Variants in RSF1 observed in about 807,000 individuals in gnomAD.
RSF1 encodes remodeling and spacing factor 1.
A neutral mutation model predicts 145.2 loss-of-function variants in RSF1; 13 were observed. That is an observed-to-expected ratio of 0.09 (90% confidence interval 0.06 to 0.14). RSF1 has a LOEUF of 0.14. Ranked by LOEUF, RSF1 falls within the 10% of genes least tolerant of loss-of-function variation. The pLI, the probability that RSF1 is intolerant of heterozygous loss-of-function variation, is 1.00. For missense variants in RSF1, 1,517 were observed against 1,718.2 expected, an observed-to-expected ratio of 0.88 and a Z score of 2.07; for synonymous variants, 577 against 592.6, an observed-to-expected ratio of 0.97 and a Z score of 0.38.
At chr11:77,799,591 C>G (rs1409010752) in intron 1 of RSF1, among the ~76,000 whole-genome samples, 2 of 151,802 alleles carry the variant, frequency 1.3e-5, no homozygotes, top group Non-Finnish European at 2.9e-5. Context: ...TTCCATTAAC[C>G]CAGAAGGAAA....
chr11:77,699,078 T>G (rs1312154939), intron 6 of RSF1, among the ~76,000 whole-genome samples: 2 of 152,238 alleles, frequency 1.3e-5, no homozygotes, highest in Non-Finnish European at 2.9e-5. Context: ...ACAAATATTT[T>G]TACACACATC....
chr11:77,700,449 G>A (rs1253756183), intron 6 of RSF1, among the ~76,000 whole-genome samples: 1 of 151,288 alleles, frequency 6.6e-6, no homozygotes, highest in Non-Finnish European at 1.5e-5. Flanking sequence ...GTGGCAATGG[G>A]GAATTCTCAT....
intron 1 of RSF1, among the ~76,000 whole-genome samples, chr11:77,797,769 A>C (rs1347796996): frequency 6.6e-6 from 1 of 152,244 alleles, no homozygotes; most frequent in African/African-American, 2.4e-5. Flanking sequence ...TCCATCTGAC[A>C]AACGGCTAAT....
chr11:77,755,024 G>C (rs1948101696), intron 2 of RSF1, among the ~76,000 whole-genome samples: 1 of 152,160 alleles, frequency 6.6e-6, no homozygotes, highest in Non-Finnish European at 1.5e-5. Context: ...AGTGGCAAAA[G>C]ATATGGTAAA....
intron 1 of RSF1, among the ~76,000 whole-genome samples, chr11:77,797,506 T>G (rs913282128): frequency 2.6e-5 from 4 of 151,916 alleles, no homozygotes; most frequent in Non-Finnish European, 1.5e-5. Context: ...TACACAAAAA[T>G]CAACTCAAGA....
chr11:77,685,581 C>G (rs1457012116), intron 9 of RSF1, among the ~76,000 whole-genome samples: 1 of 152,158 alleles, frequency 6.6e-6, no homozygotes, highest in Non-Finnish European at 1.5e-5. Flanking sequence ...TAGGTGTGAC[C>G]ACTGCTCCTG....
chr11:77,717,181 C>CA (rs55686322), intron 5 of RSF1, among the ~76,000 whole-genome samples: 2,655 of 129,118 alleles, frequency 0.021, 38 homozygotes, highest in Middle Eastern at 0.062. Flanking sequence ...AACCAAAAAC[C>CA]AAAAAAAAAA....
chr11:77,870,036 A>T, the RSF1 span: 1 of 373,566 alleles, frequency 2.7e-6, no homozygotes, highest in Non-Finnish European at 4.9e-6. Flanking sequence ...TATTTCTCAG[A>T]ATCCCTCAAG....
At chr11:77,841,923 C>T in the RSF1 span, among the ~76,000 whole-genome samples, 2 of 152,152 alleles carry the variant, frequency 1.3e-5, no homozygotes, top group East Asian at 1.9e-4. Context: ...TTGGCCATGG[C>T]GGCAAGGCTG....
chr11:77,809,801 C>A (rs979097234), intron 1 of RSF1, among the ~76,000 whole-genome samples: 1 of 152,178 alleles, frequency 6.6e-6, no homozygotes, highest in Admixed American at 6.5e-5. Context: ...ACTCCAAATA[C>A]CAAAAGCAAG....
At chr11:77,773,647 GTGTTGTTACTCAAAA>G (rs1233705829) in intron 1 of RSF1, among the ~76,000 whole-genome samples, 2 of 151,986 alleles carry the variant, frequency 1.3e-5, no homozygotes, top group African/African-American at 4.8e-5. Context: ...TCAAAAGCAA[GTGTTGTTACTCAAAA>G]TGTAATATGC....
At chr11:77,869,243 C>A in the RSF1 span, 1 of 182,910 alleles carries the variant, frequency 5.5e-6, no homozygotes, top group South Asian at 1.3e-4. Flanking sequence ...AGGTCCTGAG[C>A]CTTTTAAAAT....
intron 2 of RSF1, among the ~76,000 whole-genome samples, chr11:77,757,863 T>C (rs1948131382): frequency 6.6e-6 from 1 of 152,126 alleles, no homozygotes; most frequent in African/African-American, 2.4e-5. Flanking sequence ...AGGCTAAGCG[T>C]GGTGGCTCAT....
At chr11:77,682,311 G>C (rs57544945) in intron 11 of RSF1, among the ~76,000 whole-genome samples, 1 of 152,110 alleles carries the variant, frequency 6.6e-6, no homozygotes, top group African/African-American at 2.4e-5. Context: ...TCAAAGTTAA[G>C]AGTTTCATAA....
the RSF1 span, among the ~76,000 whole-genome samples, chr11:77,833,415 CAT>C: frequency 6.6e-6 from 1 of 152,166 alleles, no homozygotes; most frequent in African/African-American, 2.4e-5. Context: ...AAATCCCTCA[CAT>C]GTGCAGTTCA....
the RSF1 span, among the ~76,000 whole-genome samples, chr11:77,864,982 CA>C: frequency 6.6e-6 from 1 of 151,920 alleles, no homozygotes; most frequent in African/African-American, 2.4e-5. Context: ...GTCTCAAAAA[CA>C]AAAAAGAATG....
the RSF1 span, among the ~76,000 whole-genome samples, chr11:77,837,622 G>A: frequency 6.6e-6 from 1 of 152,048 alleles, no homozygotes; most frequent in Non-Finnish European, 1.5e-5. Flanking sequence ...TTTTAGTAGA[G>A]ACAGGGTTTC....
chr11:77,858,302 C>CTTTTTTTTTTTTTT, the RSF1 span, among the ~76,000 whole-genome samples: 43 of 69,360 alleles, frequency 6.2e-4, 1 homozygote, highest in Middle Eastern at 0.019. Flanking sequence ...TTAAGCAATT[C>CTTTTTTTTTTTTTT]TTTTTTTTTT....
At chr11:77,817,787 C>T (rs1590905921) in intron 1 of RSF1, among the ~76,000 whole-genome samples, 1 of 152,280 alleles carries the variant, frequency 6.6e-6, no homozygotes, top group East Asian at 1.9e-4. Flanking sequence ...AACTCTTGTA[C>T]ACTACAACTC....
Sources: allele counts gnomAD v4.1 joint callset (sites outside exome capture counted in the v4.1 genomes callset), GRCh38; gene constraint gnomAD v4.1.1; transcripts MANE v1.5; gene names NCBI Gene and HGNC (gene_info 2026-07-23, HGNC 2026-07-21).